PHACTR2: variants seen among roughly 807,000 people sequenced by gnomAD.
PHACTR2 encodes the protein phosphatase and actin regulator 2.
Under a neutral mutation model 76.0 loss-of-function variants are expected in PHACTR2, and 30 were observed. The observed-to-expected ratio is 0.39, with a 90% confidence interval of 0.30 to 0.54. PHACTR2 has a LOEUF of 0.54. Ranked by LOEUF, PHACTR2 falls within the 20% of genes least tolerant of loss-of-function variation. PHACTR2 has a pLI of 0.61. For synonymous variants in PHACTR2, 292 were observed against 292.5 expected (o/e 1.00, Z 0.02); for missense variants, 696 against 781.1 (o/e 0.89, Z 1.30).
intron 1 of PHACTR2, among the ~76,000 whole-genome samples, chr6:143,620,164 A>G (rs78551340): frequency 0.028 from 4,301 of 152,276 alleles, 199 homozygotes; most frequent in African/African-American, 0.095. Flanking sequence ...GGAGCTCTGT[A>G]GCATACATTT....
At chr6:143,565,580 G>C (rs1460280844) in intron 1 of PHACTR2, among the ~76,000 whole-genome samples, 3 of 149,020 alleles carry the variant, frequency 2.0e-5, no homozygotes, top group African/African-American at 7.5e-5. Flanking sequence ...ACTCCAGCCT[G>C]GGTGACAGAG....
chr6:143,675,416 T>G (rs1474659693), upstream of PHACTR2, among the ~76,000 whole-genome samples: 2 of 152,178 alleles, frequency 1.3e-5, no homozygotes, highest in African/African-American at 4.8e-5. This position sits in a 1 kb window ranked among gnomAD's most constrained non-coding sequence, Gnocchi z 4.9. Context: ...GCCAAATTGT[T>G]ACATTTCAAG....
intron 1 of PHACTR2, among the ~76,000 whole-genome samples, chr6:143,642,033 A>G (rs901558991): frequency 1.3e-5 from 2 of 152,184 alleles, no homozygotes; most frequent in African/African-American, 4.8e-5. Context: ...TCTGCAGTTA[A>G]GTACACTGTA....
At position 143,700,816 on chromosome 6, in the gene PHACTR2, T is replaced by A. The variant is rs1207153053; in HGVS notation, c.47-11200T>A. On this transcript the variant is annotated intron_variant, in intron 1 of 12. Coordinates refer to ENST00000440869, the MANE Select transcript of PHACTR2 (RefSeq NM_001100164.2). This position sits in a 1 kb window ranked among gnomAD's most constrained non-coding sequence, Gnocchi z 4.1. Reference sequence around the variant, plus strand: ...CTCTACACACCATGACCTGCTCCACTTCAGACTCCGGGAGTTGTTGTATAT... The same window carrying A: ...CTCTACACACCATGACCTGCTCCACATCAGACTCCGGGAGTTGTTGTATAT... 6.6e-6 allele frequency among the ~76,000 whole-genome samples: 1 copy of A among 152,188 alleles called. No individual in the cohort carries two copies. The highest frequency in any genetic ancestry group is 1.9e-4 in the East Asian group (1 of 5,198).
At chr6:143,727,248 C>A (rs943852054) in intron 2 of PHACTR2, among the ~76,000 whole-genome samples, 1 of 152,056 alleles carries the variant, frequency 6.6e-6, no homozygotes, top group Non-Finnish European at 1.5e-5. Flanking sequence ...ACATAATTTC[C>A]TCCAGTTGTA....
At position 143,564,196 on chromosome 6, in the gene PHACTR2, C is replaced by CATATATATAT. The variant is rs59017997; in HGVS notation, c.217+27020_217+27029dup. On this transcript the variant is annotated intron_variant, in intron 1 of 11. Transcript: ENST00000367584. Reference sequence around the variant, plus strand: ...ATGTGTGTGTGTATGTGTGTGTGTGCATATATATATATATATATATATATA... The same window carrying CATATATATAT: ...ATGTGTGTGTGTATGTGTGTGTGTGCATATATATATATATATATATATATATATATATATA... 8.9e-3 allele frequency among the ~76,000 whole-genome samples: 356 copies of CATATATATAT among 40,166 alleles called. 6 individuals carry two copies. Among genetic ancestry groups the CATATATATAT allele is most frequent in the Middle Eastern group, 0.019 (1 of 52 alleles). 26.4% of individuals were successfully genotyped at this position (40,166 alleles called of 152,430 possible). A position where few individuals can be genotyped will look rare whatever the true frequency, so the allele number is the denominator to read the frequency against.
intron 1 of PHACTR2, among the ~76,000 whole-genome samples, chr6:143,657,089 CG>C (rs1471828916): frequency 1.6e-5 from 1 of 64,152 alleles, no homozygotes; most frequent in Non-Finnish European, 2.8e-5. Flanking sequence ...GTTTGGGGGT[CG>C]GGGGCAAGGG....
intron 10 of PHACTR2, among the ~76,000 whole-genome samples, chr6:143,785,374 T>C (rs1775531403): frequency 6.6e-6 from 1 of 152,162 alleles, no homozygotes; most frequent in South Asian, 2.1e-4. Flanking sequence ...ATGCAAGAGG[T>C]GGGTTCCCAT....
chr6:143,560,146 A>G (rs980113443), intron 1 of PHACTR2, among the ~76,000 whole-genome samples: 1 of 152,214 alleles, frequency 6.6e-6, no homozygotes, highest in South Asian at 2.1e-4. Flanking sequence ...AAACATTTTT[A>G]GTAATAATTG....
intron 2 of PHACTR2, among the ~76,000 whole-genome samples, chr6:143,741,716 A>G (rs1397417972): frequency 2.0e-5 from 3 of 152,202 alleles, no homozygotes; most frequent in Non-Finnish European, 4.4e-5. Flanking sequence ...TTGAGTGGGT[A>G]AAGAGGGGCT....
chr6:143,560,882 G>GGTGTGTGTGTGTGTGTGT (rs36070460), intron 1 of PHACTR2, among the ~76,000 whole-genome samples: 2 of 133,092 alleles, frequency 1.5e-5, no homozygotes, highest in South Asian at 2.6e-4. Flanking sequence ...AAAGCAGAGG[G>GGTGTGTGTGTGTGTGTGT]GTGTGTGTGT....
intron 2 of PHACTR2, among the ~76,000 whole-genome samples, chr6:143,728,512 G>A (rs1778629111): frequency 1.3e-5 from 2 of 152,018 alleles, no homozygotes; most frequent in South Asian, 2.1e-4. Context: ...AACTAAAAAA[G>A]AGCCCAAACA....
chr6:143,628,346 C>T (rs146813964), intron 1 of PHACTR2, among the ~76,000 whole-genome samples: 1 of 152,314 alleles, frequency 6.6e-6, no homozygotes, highest in Non-Finnish European at 1.5e-5. Context: ...TATTTATTAC[C>T]TGACAGTTCT....
At chr6:143,792,319 T>C (rs1215985449) in intron 11 of PHACTR2, among the ~76,000 whole-genome samples, 1 of 152,146 alleles carries the variant, frequency 6.6e-6, no homozygotes, top group Non-Finnish European at 1.5e-5. Context: ...TTAATTGTTT[T>C]TCAATAGAAG....
At position 143,556,326 on chromosome 6, in the gene PHACTR2, C is replaced by T. The variant is rs1274133999; in HGVS notation, c.217+19119C>T. 6.6e-6 allele frequency among the ~76,000 whole-genome samples: 1 copy of T among 152,208 alleles called. No individual in the cohort carries two copies. Among genetic ancestry groups the T allele is most frequent in the Non-Finnish European group, 1.5e-5 (1 of 68,034 alleles). On this transcript the variant is annotated intron_variant, in intron 1 of 11. Transcript: ENST00000367584. The surrounding 1 kb of genome is among the most constrained non-coding windows in gnomAD (Gnocchi z 4.3). The stretch of plus-strand genomic sequence containing the variant: ...GGGGCATCTCCAATGCTCCTGCGTG[C>T]CAGGCACAAGGCGTGGGCCAGGAGA...
intron 2 of PHACTR2, among the ~76,000 whole-genome samples, chr6:143,719,412 G>A (rs1352569070): frequency 5.1e-5 from 7 of 136,660 alleles, no homozygotes; most frequent in Admixed American, 2.3e-4. Context: ...GTGCAATGGC[G>A]TAATCTCACT....
rs767815059 is a variant in PHACTR2 at position 143,772,427 on chromosome 6, G to A, written c.1402G>A (p.Glu468Lys). The A allele has an allele frequency of 8.7e-6, 14 of 1,614,056 alleles. No individual in the cohort carries two copies. Among genetic ancestry groups the A allele is most frequent in the South Asian group, 7.7e-5 (7 of 91,068 alleles). Residue 468 changes from glutamate (E) to lysine (K), a missense_variant, in exon 7 of 13, where the codon GAA becomes AAA. By Grantham distance (56) the Glu-to-Lys change is moderately conservative. Around this residue, in one of 2 missense-constraint regions of PHACTR2, gnomAD observed 236 missense variants for 330.2 expected, o/e 0.71. Transcript: ENST00000440869. This position sits in a 1 kb window ranked among gnomAD's most constrained non-coding sequence, Gnocchi z 5.4. ...GPILYTDDEDEDEDEDGSGES... is the reference protein window; with the variant it reads ...GPILYTDDEDKDEDEDGSGES... ...TATCTTGTACACCGATGATGAGGAC[G>A]AAGACGAAGATGAGGATGGCAGTGG...
At position 143,553,278 on chromosome 6, in the gene PHACTR2, C is replaced by T. The variant is rs886846659; in HGVS notation, c.217+16071C>T. On this transcript the variant is annotated intron_variant, in intron 1 of 11. Coordinates refer to the PHACTR2 transcript ENST00000367584. This position sits in a 1 kb window ranked among gnomAD's most constrained non-coding sequence, Gnocchi z 4.2. Reference sequence around the variant, plus strand: ...GATTTTAATGAGTGATAGACTATTGCTATAGAGAACTATTCAGTGTGAACT... The same window carrying T: ...GATTTTAATGAGTGATAGACTATTGTTATAGAGAACTATTCAGTGTGAACT... Among the ~76,000 whole-genome samples the T allele has an allele frequency of 2.0e-5, 3 of 152,194 alleles. No individual in the cohort carries two copies. The highest frequency in any genetic ancestry group is 4.4e-5 in the Non-Finnish European group (3 of 68,034).
At position 143,760,606 on chromosome 6, in the gene PHACTR2, C is replaced by T. The variant is rs768393945; in HGVS notation, c.660C>T (p.Pro220=). ...GTAAGCAGGCCCCCGTCCCTCCACC[C>T]AAGCCAGCAAGCCGAAACACGACCC... is the stretch of plus-strand genomic sequence containing the variant. ...APGKQAPVPP[P]KPASRNTTRE... The change falls in exon 5 of 13, where the codon CCC becomes CCT. Residue 220 remains proline, a synonymous_variant. Transcript: ENST00000440869. The surrounding 1 kb of genome is among the most constrained non-coding windows in gnomAD (Gnocchi z 6.4). 3.1e-6 allele frequency: 5 copies of T among 1,613,792 alleles called. No homozygotes were observed. Among genetic ancestry groups the T allele is most frequent in the East Asian group, 4.5e-5 (2 of 44,880 alleles).
Sources: allele counts gnomAD v4.1 joint callset (sites outside exome capture counted in the v4.1 genomes callset), GRCh38; gene constraint gnomAD v4.1.1; regional missense constraint gnomAD v4.1.1; non-coding constraint Gnocchi (gnomAD v3.1); transcripts MANE v1.5; gene names NCBI Gene and HGNC (gene_info 2026-07-23, HGNC 2026-07-21).